Variants in DOCK10 observed in about 807,000 individuals in gnomAD.
DOCK10 encodes the protein dedicator of cytokinesis protein 10.
In DOCK10, 145 loss-of-function variants were observed where a neutral mutation model predicts 280.1. The ratio of observed to expected loss-of-function variants is 0.52; its 90% CI spans 0.45 to 0.59. The LOEUF is 0.59. Ranked by LOEUF, DOCK10 falls within the 20% of genes least tolerant of loss-of-function variation. The probability of loss-of-function intolerance (pLI) is 0.00; values close to 1 mark genes in which losing one functional copy is unlikely to be tolerated. For missense variants in DOCK10, 2,368 were observed against 2,651.7 expected (o/e 0.89, Z 2.35); for synonymous variants, 915 against 942.2 (o/e 0.97, Z 0.53).
chr2:224,962,539 C>T (rs931688902), intron 1 of DOCK10, among the ~76,000 whole-genome samples: 4 of 152,232 alleles, frequency 2.6e-5, no homozygotes, highest in African/African-American at 9.6e-5. Context: ...TTAGTACTCA[C>T]ATCTCCTACT....
intron 1 of DOCK10, among the ~76,000 whole-genome samples, chr2:225,032,036 G>T (rs528773307): frequency 2.0e-5 from 3 of 152,016 alleles, no homozygotes; most frequent in Non-Finnish European, 4.4e-5. Flanking sequence ...TAGATCATTG[G>T]GATCAAGTCT....
Position 224,808,085 on chromosome 2 carries a change from A to T in DOCK10, c.3411T>A (p.Asp1137Glu). 1 of 1,609,474 alleles carries T rather than the reference A, an allele frequency of 6.2e-7. No individual in the cohort carries two copies. The highest frequency in any genetic ancestry group is 1.7e-4 in the Middle Eastern group (1 of 6,046). The change falls in exon 32 of 56, where the codon GAT becomes GAA. Residue 1137 changes from aspartate to glutamate, a missense_variant and splice_region_variant. By Grantham distance (45) the Asp-to-Glu change is conservative. Around this residue, in one of 2 missense-constraint regions of DOCK10, gnomAD observed 1,159 missense variants for 1,400.8 expected, o/e 0.83. Transcript: ENST00000258390. Reference sequence around the variant, plus strand: ...CATTTGTGACTGAATATTCAGGCATATCTTTGTGAGGAAGGAAAATAACTC... The same window carrying T: ...CATTTGTGACTGAATATTCAGGCATTTCTTTGTGAGGAAGGAAAATAACTC... ...SESTQELHAS[D>E]MPEYSVTNEF...
intron 1 of DOCK10, chr2:224,983,632 A>G: frequency 8.3e-6 from 3 of 359,770 alleles, no homozygotes; most frequent in South Asian, 2.2e-5. Flanking sequence ...GCTTTCGCGG[A>G]AGCATCTAGC....
intron 50 of DOCK10, among the ~76,000 whole-genome samples, chr2:224,783,946 A>T (rs2125058556): frequency 6.6e-6 from 1 of 152,310 alleles, no homozygotes; most frequent in African/African-American, 2.4e-5. Context: ...AACTGACAAT[A>T]ATTAGGTTGA....
At chr2:224,894,900 CT>C (rs11335710) in intron 4 of DOCK10, among the ~76,000 whole-genome samples, 26,739 of 152,150 alleles carry the variant, frequency 0.18, 3,870 homozygotes, top group African/African-American at 0.41. Context: ...TGCCACACCC[CT>C]GGTTGAAATT....
In DOCK10 at chr2:224,770,102, T is replaced by A; in HGVS notation, c.6444+109A>T. ...GAACAGATCAGCAACATGGTGCTGATGCAGTGATTTCTGCAGCAAGAAAAG... is the reference window on the plus strand; with the variant it reads ...GAACAGATCAGCAACATGGTGCTGAAGCAGTGATTTCTGCAGCAAGAAAAG... On this transcript the variant is annotated intron_variant, in intron 55 of 55. Coordinates refer to ENST00000258390, the MANE Select transcript of DOCK10 (RefSeq NM_014689.3). The surrounding 1 kb of genome is among the most constrained non-coding windows in gnomAD (Gnocchi z 4.5). 7.9e-7 allele frequency: 1 copy of A among 1,263,340 alleles called. No individual in the cohort carries two copies. The highest frequency in any genetic ancestry group is 1.0e-6 in the Non-Finnish European group (1 of 954,020). 78.3% of individuals were successfully genotyped at this position (1,263,340 alleles called of 1,614,324 possible).
At chr2:224,888,810 ATGTG>A (rs1427534168) in intron 4 of DOCK10, among the ~76,000 whole-genome samples, 6 of 140,206 alleles carry the variant, frequency 4.3e-5, no homozygotes, top group East Asian at 1.9e-4. Flanking sequence ...GTGAATATAT[ATGTG>A]TGTATGTATG....
At chr2:224,910,201 T>C (rs1000679767) in intron 3 of DOCK10, among the ~76,000 whole-genome samples, 1 of 152,160 alleles carries the variant, frequency 6.6e-6, no homozygotes, top group Non-Finnish European at 1.5e-5. Context: ...CAAGCAAGTG[T>C]TTCTACAAAG....
At chr2:224,883,562 T>C (rs780883358) in intron 7 of DOCK10, among the ~76,000 whole-genome samples, 3 of 152,212 alleles carry the variant, frequency 2.0e-5, no homozygotes, top group Admixed American at 6.5e-5. Flanking sequence ...TATTAGCACA[T>C]TGTTCTAGTT....
At chr2:224,935,038 C>T (rs1702608757) in intron 1 of DOCK10, among the ~76,000 whole-genome samples, 1 of 152,128 alleles carries the variant, frequency 6.6e-6, no homozygotes, top group Non-Finnish European at 1.5e-5. Flanking sequence ...AAATCCACAG[C>T]TCTCCTCCAA....
At chr2:224,829,538 C>T (rs1480906113) in intron 27 of DOCK10, among the ~76,000 whole-genome samples, 1 of 152,190 alleles carries the variant, frequency 6.6e-6, no homozygotes, top group Non-Finnish European at 1.5e-5. Flanking sequence ...CAGAGGTCTT[C>T]CCTTGGCCTT....
At chr2:224,808,751 C>T (rs1257170142) in intron 31 of DOCK10, among the ~76,000 whole-genome samples, 2 of 152,122 alleles carry the variant, frequency 1.3e-5, no homozygotes, top group African/African-American at 4.8e-5. Context: ...TGTTAACACA[C>T]CGATAGCTTT....
chr2:224,917,453 T>C (rs1284692030), intron 2 of DOCK10, among the ~76,000 whole-genome samples: 3 of 152,172 alleles, frequency 2.0e-5, no homozygotes, highest in Admixed American at 1.3e-4. Context: ...ATTATTTTAA[T>C]AATATCGTAA....
intron 1 of DOCK10, among the ~76,000 whole-genome samples, chr2:225,018,957 GTA>G (rs1689708353): frequency 6.7e-6 from 1 of 149,990 alleles, no homozygotes; most frequent in Non-Finnish European, 1.5e-5. Flanking sequence ...GTATATATGT[GTA>G]TATATAATAT....
chr2:224,916,336 T>C (rs937765277), intron 3 of DOCK10, among the ~76,000 whole-genome samples: 1 of 151,840 alleles, frequency 6.6e-6, no homozygotes, highest in African/African-American at 2.4e-5. Context: ...AGGTCAAGAG[T>C]TCGAGAGCAG....
chr2:224,772,606 G>C (rs755187420), intron 53 of DOCK10, among the ~76,000 whole-genome samples: 12 of 152,196 alleles, frequency 7.9e-5, no homozygotes, highest in Non-Finnish European at 1.6e-4. Flanking sequence ...CCGCCTGAGT[G>C]CTGCCAGCCC....
At chr2:224,969,660 T>C (rs1704973233) in intron 1 of DOCK10, among the ~76,000 whole-genome samples, 1 of 152,144 alleles carries the variant, frequency 6.6e-6, no homozygotes, top group Non-Finnish European at 1.5e-5. Flanking sequence ...AAGGAAGAAA[T>C]AGATGCATGT....
At chr2:224,871,445 T>A (rs1445112411) in intron 11 of DOCK10, among the ~76,000 whole-genome samples, 3 of 152,162 alleles carry the variant, frequency 2.0e-5, no homozygotes, top group African/African-American at 7.2e-5. Flanking sequence ...AGCCATGCAA[T>A]AAACGGTGGT....
At chr2:224,883,045 T>C (rs1295867000) in intron 7 of DOCK10, among the ~76,000 whole-genome samples, 1 of 152,176 alleles carries the variant, frequency 6.6e-6, no homozygotes, top group Non-Finnish European at 1.5e-5. Context: ...AAGAGGAATA[T>C]AAATGCAGGG....
Sources: allele counts gnomAD v4.1 joint callset (sites outside exome capture counted in the v4.1 genomes callset), GRCh38; gene constraint gnomAD v4.1.1; regional missense constraint gnomAD v4.1.1; non-coding constraint Gnocchi (gnomAD v3.1); transcripts MANE v1.5; gene names NCBI Gene and HGNC (gene_info 2026-07-23, HGNC 2026-07-21).